The following TULP4 variants were observed in gnomAD, a reference collection of about 807,000 sequenced individuals.
TULP4 encodes TUB like protein 4.
In TULP4, 16 loss-of-function variants were observed where a neutral mutation model predicts 129.0. The observed-to-expected ratio is 0.12, with a 90% CI of 0.08 to 0.19. The LOEUF (loss-of-function observed/expected upper bound fraction) is 0.19, where lower values mean the gene tolerates loss of function less well. Ranked by LOEUF, TULP4 falls within the 10% of genes least tolerant of loss-of-function variation. The pLI is 1.00. For synonymous variants in TULP4, 998 were observed against 854.0 expected (o/e 1.17, Z -2.94); for missense variants, 1,842 against 2,059.1 (o/e 0.89, Z 2.04).
intron 1 of TULP4, among the ~76,000 whole-genome samples, chr6:158,339,741 A>C (rs1780136156): frequency 6.6e-6 from 1 of 152,164 alleles, no homozygotes; most frequent in Middle Eastern, 3.2e-3. Context: ...TTCCCTGAAA[A>C]TCACTGTTAT....
At chr6:158,264,224 G>A (rs960818932) in intron 1 of TULP4, among the ~76,000 whole-genome samples, 1 of 152,202 alleles carries the variant, frequency 6.6e-6, no homozygotes, top group African/African-American at 2.4e-5. Context: ...CAGGAAAAGC[G>A]CAGGAGCCCA....
chr6:158,445,791 C>T (rs1247374935), intron 3 of TULP4, among the ~76,000 whole-genome samples: 2 of 152,198 alleles, frequency 1.3e-5, no homozygotes, highest in East Asian at 3.8e-4. Flanking sequence ...GACATGTTGA[C>T]ACTGAGGGCC....
In TULP4 at chr6:158,298,658, A is replaced by G. The variant is rs543023104; in HGVS notation, n.117-13393A>G. On this transcript the variant is annotated intron_variant and non_coding_transcript_variant, in intron 1 of 1. Transcript: ENST00000432358. ...CAAGTGTATAAATGACAATTAATGC[A>G]TTGGACAGTTTGATTGTTCGTCCAA... is the stretch of plus-strand genomic sequence containing the variant. 3.1e-4 allele frequency among the ~76,000 whole-genome samples: 47 copies of G among 152,338 alleles called. 1 individual carries two copies. The South Asian group carries it at 8.9e-3, about 29-fold the overall frequency.
intron 3 of TULP4, among the ~76,000 whole-genome samples, chr6:158,433,381 A>G (rs1211972305): frequency 6.6e-6 from 1 of 152,226 alleles, no homozygotes; most frequent in Non-Finnish European, 1.5e-5. Flanking sequence ...ATAATGTCTC[A>G]TCCTAGTCTG....
intron 3 of TULP4, among the ~76,000 whole-genome samples, chr6:158,435,411 C>T (rs1460886421): frequency 1.3e-5 from 2 of 152,146 alleles, no homozygotes; most frequent in African/African-American, 4.8e-5. Flanking sequence ...CCTTGGTTGG[C>T]GTCTTCTGGA....
intron 1 of TULP4, among the ~76,000 whole-genome samples, chr6:158,384,894 C>T (rs931101644): frequency 6.6e-6 from 1 of 152,178 alleles, no homozygotes; most frequent in Non-Finnish European, 1.5e-5. Flanking sequence ...TTGGCTGTAA[C>T]ACAAAGTGAC....
intron 1 of TULP4, among the ~76,000 whole-genome samples, chr6:158,337,211 C>T (rs1780065434): frequency 7.7e-6 from 1 of 129,072 alleles, no homozygotes; most frequent in South Asian, 2.6e-4. Context: ...TGGCTCACTG[C>T]AGAGCATTAA....
At chr6:158,277,199 C>T (rs1481450421) in intron 1 of TULP4, among the ~76,000 whole-genome samples, 3 of 152,174 alleles carry the variant, frequency 2.0e-5, no homozygotes, top group Non-Finnish European at 4.4e-5. Flanking sequence ...CCTCAGCCTC[C>T]CAAAGTGCTG....
Position 158,320,163 on chromosome 6 carries a change from G to A in TULP4, c.252+5895G>A, listed in dbSNP as rs148827286. On this transcript the variant is annotated intron_variant, in intron 1 of 13. Coordinates refer to ENST00000367097, the MANE Select transcript of TULP4 (RefSeq NM_020245.5). The stretch of plus-strand genomic sequence containing the variant: ...ACTGAAACTCCAAGGGGGACTCTTC[G>A]TGGCTGGCTGAGAAGTGATGCTTTT... Among the ~76,000 whole-genome samples, 560 of 152,278 alleles carry A rather than the reference G, an allele frequency of 3.7e-3. 6 individuals are homozygous for A. The highest frequency in any genetic ancestry group is 0.013 in the African/African-American group (535 of 41,528).
intron 1 of TULP4, among the ~76,000 whole-genome samples, chr6:158,262,393 C>T (rs1431474051): frequency 6.6e-6 from 1 of 152,058 alleles, no homozygotes; most frequent in Admixed American, 6.6e-5. Context: ...GCTGAGTGCT[C>T]CCTGGGAGAG....
intron 1 of TULP4, among the ~76,000 whole-genome samples, chr6:158,240,327 G>A (rs1358532509): frequency 4.7e-5 from 4 of 84,696 alleles, no homozygotes; most frequent in African/African-American, 8.1e-5. Flanking sequence ...CGGACGGGGC[G>A]GCTGGCCGGG....
chr6:158,455,732 G>A lies in TULP4; in HGVS notation c.859+3464G>A, dbSNP rs548563316. 8.7e-5 allele frequency among the ~76,000 whole-genome samples: 9 copies of A among 103,184 alleles called. No individual in the cohort carries two copies. In the South Asian group the frequency reaches 1.4e-3, roughly 17 times the overall value. The allele number at this position is 103,184 out of a possible 152,430, so 67.7% of individuals were successfully genotyped here. A position where few individuals can be genotyped will look rare whatever the true frequency, so the allele number is the denominator to read the frequency against. The stretch of plus-strand genomic sequence containing the variant: ...AGCCTGGGTAACAGAGCAAGACTCC[G>A]TCTCAAAAAAAAAAAAAAAATTATT... On this transcript the variant is annotated intron_variant, in intron 5 of 13. Coordinates refer to ENST00000367097, the MANE Select transcript of TULP4 (RefSeq NM_020245.5).
chr6:158,400,463 T>C (rs1253519283), intron 1 of TULP4, among the ~76,000 whole-genome samples: 1 of 151,968 alleles, frequency 6.6e-6, no homozygotes, highest in Admixed American at 6.5e-5. Flanking sequence ...CAAGGTGTAG[T>C]GTGTGTGTGT....
intron 1 of TULP4, among the ~76,000 whole-genome samples, chr6:158,321,883 T>C (rs761510829): frequency 1.1e-4 from 17 of 152,222 alleles, no homozygotes; most frequent in Non-Finnish European, 2.2e-4. Context: ...CTAAAAACAT[T>C]GTATGACACA....
chr6:158,279,484 A>G (rs1184376304), upstream of TULP4, among the ~76,000 whole-genome samples: 2 of 152,218 alleles, frequency 1.3e-5, no homozygotes, highest in African/African-American at 2.4e-5. Context: ...TCTGTTTGAC[A>G]CTAATACATT....
intron 1 of TULP4, among the ~76,000 whole-genome samples, chr6:158,349,296 G>A (rs1373513978): frequency 4.6e-5 from 6 of 130,008 alleles, no homozygotes; most frequent in South Asian, 2.8e-4. Flanking sequence ...GGCGGCTGCC[G>A]GTCAGAGGTG....
At chr6:158,234,285 G>A (rs1777648245) in intron 1 of TULP4, among the ~76,000 whole-genome samples, 1 of 152,184 alleles carries the variant, frequency 6.6e-6, no homozygotes, top group South Asian at 2.1e-4. Context: ...TGTGGTACCT[G>A]AAGCCTGTTT....
At chr6:158,487,147 C>T (rs1780090808) in intron 8 of TULP4, among the ~76,000 whole-genome samples, 1 of 149,676 alleles carries the variant, frequency 6.7e-6, no homozygotes, top group Non-Finnish European at 1.5e-5. Flanking sequence ...ACTCGGGAGG[C>T]TGAGGCAGGA....
intron 4 of TULP4, among the ~76,000 whole-genome samples, chr6:158,450,325 G>A (rs529106680): frequency 6.6e-5 from 10 of 152,310 alleles, no homozygotes; most frequent in South Asian, 4.1e-4. Context: ...GGGCTGTTCC[G>A]GGGGAAATTA....
Sources: allele counts gnomAD v4.1 joint callset (sites outside exome capture counted in the v4.1 genomes callset), GRCh38; gene constraint gnomAD v4.1.1; transcripts MANE v1.5; gene names NCBI Gene and HGNC (gene_info 2026-07-23, HGNC 2026-07-21).